Variants in SLC17A8 observed in about 807,000 individuals in gnomAD.
SLC17A8 encodes vesicular glutamate transporter 3.
Under a neutral mutation model 58.0 loss-of-function variants are expected in SLC17A8, and 31 were observed. That is an observed-to-expected ratio of 0.53 (90% CI 0.40 to 0.72). The LOEUF (loss-of-function observed/expected upper bound fraction) is 0.72. Among genes scored for constraint, SLC17A8 ranks in the 30% least tolerant of loss-of-function variants. The pLI is 0.00. For synonymous variants in SLC17A8, 228 were observed against 249.0 expected, an observed-to-expected ratio of 0.92 and a Z score of 0.79; for missense variants, 655 against 727.8, an observed-to-expected ratio of 0.90 and a Z score of 1.15.
chr12:100,393,329 C>T lies in SLC17A8; in HGVS notation c.474-40C>T, dbSNP rs749671914. ...TGCTTAGCTGAAGTAGCACATCCAT[C>T]AGCAGACCTGCCGAATAACACAATG... On this transcript the variant is annotated intron_variant, in intron 3 of 11. Transcript: ENST00000323346. The T allele has an allele frequency of 3.6e-6, 5 of 1,403,844 alleles. No homozygotes were observed. In the Admixed American group the frequency reaches 8.4e-5, roughly 24 times the overall value. The allele number at this position is 1,403,844 out of a possible 1,614,324, so 87.0% of individuals were successfully genotyped here. A position where few individuals can be genotyped will look rare whatever the true frequency, so the allele number is the denominator to read the frequency against.
At chr12:100,393,914 T>C (rs2135997135) in intron 4 of SLC17A8, among the ~76,000 whole-genome samples, 1 of 152,300 alleles carries the variant, frequency 6.6e-6, no homozygotes, top group Non-Finnish European at 1.5e-5. Flanking sequence ...AAGGTAAATA[T>C]TTTGGACTTT....
intron 8 of SLC17A8, 119 bp downstream of exon 8, chr12:100,402,864 C>A: frequency 2.0e-6 from 2 of 1,022,410 alleles, no homozygotes; most frequent in Non-Finnish European, 2.8e-6. Flanking sequence ...TTCTGTGACA[C>A]CTAATAGCCT....
intron 1 of SLC17A8, among the ~76,000 whole-genome samples, chr12:100,379,435 C>CAAA (rs150305704): frequency 6.6e-5 from 9 of 136,556 alleles, no homozygotes; most frequent in South Asian, 2.3e-4. Flanking sequence ...ATTCCGTCCC[C>CAAA]AAAAAAAAAA....
chr12:100,395,167 C>A (rs1219375322), intron 4 of SLC17A8, among the ~76,000 whole-genome samples: 2 of 151,964 alleles, frequency 1.3e-5, no homozygotes, highest in Non-Finnish European at 2.9e-5. Context: ...ATATAAAGAC[C>A]TTTTCCCCCA....
intron 1 of SLC17A8, among the ~76,000 whole-genome samples, chr12:100,369,065 C>T (rs1952541278): frequency 6.6e-6 from 1 of 152,132 alleles, no homozygotes; most frequent in South Asian, 2.1e-4. Context: ...CACCTGAGGT[C>T]TGGAGTTTGA....
intron 1 of SLC17A8, among the ~76,000 whole-genome samples, chr12:100,359,553 G>T (rs1952470749): frequency 6.6e-6 from 1 of 152,184 alleles, no homozygotes; most frequent in Non-Finnish European, 1.5e-5. Flanking sequence ...GCTAGATATT[G>T]TCATGGTTGT....
chr12:100,373,078 G>A (rs1443908901), intron 1 of SLC17A8, among the ~76,000 whole-genome samples: 1 of 152,080 alleles, frequency 6.6e-6, no homozygotes, highest in Non-Finnish European at 1.5e-5. Context: ...ATGTTTGCTG[G>A]ACAACTGTGC....
intron 1 of SLC17A8, among the ~76,000 whole-genome samples, chr12:100,361,868 G>C (rs1952487017): frequency 6.6e-6 from 1 of 152,124 alleles, no homozygotes; most frequent in African/African-American, 2.4e-5. Flanking sequence ...GGCTGAGGCA[G>C]GAGAATTGCT....
intron 1 of SLC17A8, among the ~76,000 whole-genome samples, chr12:100,374,611 CA>C (rs1195622878): frequency 6.6e-6 from 1 of 152,094 alleles, no homozygotes; most frequent in African/African-American, 2.4e-5. Flanking sequence ...GACTCCGTCT[CA>C]AAAAAATAAA....
chr12:100,367,287 A>G (rs961765832), intron 1 of SLC17A8, among the ~76,000 whole-genome samples: 1 of 152,234 alleles, frequency 6.6e-6, no homozygotes, highest in Non-Finnish European at 1.5e-5. Context: ...CAATTATGGA[A>G]TTCTTATATT....
rs766006745 is a variant in SLC17A8 at position 100,357,352 on chromosome 12, AGACT to A, written c.-34_-31del. The A allele has an allele frequency of 5.3e-6, 6 of 1,133,708 alleles. No homozygotes were observed. The highest frequency in any genetic ancestry group is 2.5e-5 in the South Asian group (2 of 81,394). The allele number at this position is 1,133,708 out of a possible 1,614,324, so 70.2% of individuals were successfully genotyped here. A position where few individuals can be genotyped will look rare whatever the true frequency, so the allele number is the denominator to read the frequency against. ...AAATGAGGAAGGATGACAGTTTTTG[AGACT>A]GACTGTTAACGGCTCAGAGGTGCCC... On this transcript the variant is annotated 5_prime_UTR_variant, in exon 1 of 12. It removes the in-frame stop codon of an upstream open reading frame in the 5' UTR. Coordinates refer to ENST00000323346, the MANE Select transcript of SLC17A8 (RefSeq NM_139319.3).
chr12:100,402,046 G>A (rs1952794853), intron 6 of SLC17A8, among the ~76,000 whole-genome samples, 183 bp downstream of exon 6: 1 of 152,130 alleles, frequency 6.6e-6, no homozygotes, highest in Non-Finnish European at 1.5e-5. Flanking sequence ...AAAAAAATAA[G>A]TAGAACATTG....
chr12:100,380,253 C>T (rs1055170806), intron 1 of SLC17A8, among the ~76,000 whole-genome samples: 1 of 150,222 alleles, frequency 6.7e-6, no homozygotes, highest in Non-Finnish European at 1.5e-5. Context: ...ACTGTATCAG[C>T]TGGGTCGAGC....
intron 8 of SLC17A8, 95 bp downstream of exon 8, chr12:100,402,840 A>G (rs2136006197): frequency 4.6e-6 from 6 of 1,303,756 alleles, no homozygotes; most frequent in Non-Finnish European, 6.4e-6. Context: ...ATTGCTGATC[A>G]TAATTCATAA....
At position 100,420,054 on chromosome 12, in the gene SLC17A8, T is replaced by C. The variant is rs755192597; in HGVS notation, c.1665T>C (p.Cys555=). The change falls in exon 12 of 12, where the codon TGT becomes TGC. Residue 555 remains cysteine, a synonymous_variant. Transcript: ENST00000323346. ...CTTATGGAGCCACCTCCCAGAATTG[T>C]GAAGTCCAGAAGAAGGAATGGAAAG... ...KMSYGATSQN[C]EVQKKEWKGQ... 1.9e-6 allele frequency: 3 copies of C among 1,614,032 alleles called. No homozygotes were observed. Among genetic ancestry groups the C allele is most frequent in the Non-Finnish European group, 2.5e-6 (3 of 1,180,018 alleles).
chr12:100,409,059 C>A (rs979002688), intron 9 of SLC17A8, among the ~76,000 whole-genome samples: 14 of 152,126 alleles, frequency 9.2e-5, no homozygotes, highest in African/African-American at 3.4e-4. Context: ...ACTTAACCAT[C>A]ATTTACGGTA....
At chr12:100,395,538 C>T (rs1363047355) in intron 4 of SLC17A8, among the ~76,000 whole-genome samples, 1 of 152,076 alleles carries the variant, frequency 6.6e-6, no homozygotes, top group East Asian at 1.9e-4. Context: ...GTTGGCCAGG[C>T]TGGTCTCGAA....
chr12:100,404,357 C>A (rs1419597106), intron 9 of SLC17A8, 187 bp downstream of exon 9: 2 of 671,908 alleles, frequency 3.0e-6, no homozygotes, highest in East Asian at 5.5e-5. Flanking sequence ...CAGCTGGGAC[C>A]TTTCCATACA....
intron 1 of SLC17A8, among the ~76,000 whole-genome samples, chr12:100,379,930 T>A (rs1273245508): frequency 6.6e-6 from 1 of 152,156 alleles, no homozygotes; most frequent in Non-Finnish European, 1.5e-5. Context: ...CCGGGCACAG[T>A]GCCTCACACC....
Sources: allele counts gnomAD v4.1 joint callset (sites outside exome capture counted in the v4.1 genomes callset), GRCh38; gene constraint gnomAD v4.1.1; transcripts MANE v1.5; gene names NCBI Gene and HGNC (gene_info 2026-07-23, HGNC 2026-07-21).